The following PTPRN2 variants were observed in gnomAD, a reference collection of about 807,000 sequenced individuals.
PTPRN2 encodes the protein protein tyrosine phosphatase receptor type N2.
Under a neutral mutation model 118.8 loss-of-function variants are expected in PTPRN2, and 74 were observed. That is an observed-to-expected ratio of 0.62 (90% confidence interval 0.52 to 0.76). The LOEUF is 0.76. Among genes scored for constraint, PTPRN2 ranks in the 30% least tolerant of loss-of-function variants. The probability of loss-of-function intolerance (pLI) is 0.00; values close to 1 mark genes in which losing one functional copy is unlikely to be tolerated. For missense variants in PTPRN2, 1,481 were observed against 1,394.4 expected (o/e 1.06, Z -0.99); for synonymous variants, 641 against 608.0 (o/e 1.05, Z -0.80).
At chr7:157,815,055 C>G (rs1304948334) in intron 12 of PTPRN2, among the ~76,000 whole-genome samples, 1 of 152,230 alleles carries the variant, frequency 6.6e-6, no homozygotes, top group African/African-American at 2.4e-5. Context: ...CTGAACCCTC[C>G]TAGTCTTTAT....
intron 3 of PTPRN2, among the ~76,000 whole-genome samples, chr7:158,266,023 T>C (rs1026602626): frequency 6.6e-6 from 1 of 152,190 alleles, no homozygotes; most frequent in African/African-American, 2.4e-5. Flanking sequence ...GGGGACAGTG[T>C]CTGCTGCGGT....
intron 12 of PTPRN2, among the ~76,000 whole-genome samples, chr7:157,870,406 T>A (rs1243641379): frequency 6.6e-6 from 1 of 152,226 alleles, no homozygotes; most frequent in Non-Finnish European, 1.5e-5. Context: ...TTCTTTGGGG[T>A]GTTGTCCCTA....
intron 12 of PTPRN2, among the ~76,000 whole-genome samples, chr7:157,898,068 C>T (rs1431409682): frequency 6.6e-6 from 1 of 152,248 alleles, no homozygotes; most frequent in Non-Finnish European, 1.5e-5. Flanking sequence ...CTGGAGGAGG[C>T]TGGCCGAGCG....
intron 12 of PTPRN2, among the ~76,000 whole-genome samples, chr7:157,841,443 G>A (rs1047705743): frequency 6.6e-6 from 1 of 152,208 alleles, no homozygotes; most frequent in Admixed American, 6.5e-5. Flanking sequence ...AGTGAAACTT[G>A]AGTGAAGGAT....
At chr7:157,892,717 C>T (rs1392893120) in intron 12 of PTPRN2, among the ~76,000 whole-genome samples, 2 of 152,078 alleles carry the variant, frequency 1.3e-5, no homozygotes, top group African/African-American at 4.8e-5. Context: ...AAAAAAAAAT[C>T]ATTAGCTGTT....
chr7:158,449,131 C>T (rs1817925322), intron 2 of PTPRN2, among the ~76,000 whole-genome samples: 1 of 152,196 alleles, frequency 6.6e-6, no homozygotes, highest in African/African-American at 2.4e-5. Context: ...GTAATCCTGA[C>T]TTCTCTTCCC....
intron 14 of PTPRN2, among the ~76,000 whole-genome samples, chr7:157,655,807 G>A (rs1199499784): frequency 2.0e-5 from 3 of 152,090 alleles, no homozygotes; most frequent in Admixed American, 6.5e-5. Flanking sequence ...CCACACACGC[G>A]TGATCACTCC....
intron 11 of PTPRN2, among the ~76,000 whole-genome samples, chr7:158,002,743 G>A (rs560307449): frequency 1.3e-5 from 2 of 152,348 alleles, no homozygotes; most frequent in East Asian, 1.9e-4. Context: ...CAGCTGCAGC[G>A]AGAGAAATGG....
In PTPRN2 at chr7:158,166,483, G is replaced by A. The variant is rs866504598; in HGVS notation, c.910+448C>T. On this transcript the variant is annotated intron_variant, in intron 6 of 22. Coordinates refer to ENST00000389418, the MANE Select transcript of PTPRN2 (RefSeq NM_002847.5). ...CCTCCCACTGGCCACTGTGTTCACT[G>A]TCCTCACACCCTCAGGATCATCTCC... Among the ~76,000 whole-genome samples, 110 of 103,096 alleles carry A rather than the reference G, an allele frequency of 1.1e-3. 2 individuals carry two copies. Among genetic ancestry groups the A allele is most frequent in the African/African-American group, 3.5e-3 (103 of 29,080 alleles). 67.6% of individuals were successfully genotyped at this position (103,096 alleles called of 152,430 possible). A position where few individuals can be genotyped will look rare whatever the true frequency, so the allele number is the denominator to read the frequency against.
chr7:157,714,245 A>G (rs1241337762), intron 12 of PTPRN2, among the ~76,000 whole-genome samples: 2 of 152,236 alleles, frequency 1.3e-5, no homozygotes, highest in Non-Finnish European at 2.9e-5. Flanking sequence ...TGACAGACAC[A>G]GTGTATGGAT....
intron 1 of PTPRN2, among the ~76,000 whole-genome samples, chr7:158,564,963 A>C (rs557015646): frequency 6.6e-6 from 1 of 152,260 alleles, no homozygotes; most frequent in African/African-American, 2.4e-5. Flanking sequence ...TGAGAGTTGC[A>C]TTCTCCTGAG....
intron 3 of PTPRN2, among the ~76,000 whole-genome samples, chr7:158,270,800 A>T (rs146329995): frequency 4.4e-4 from 5 of 11,464 alleles, no homozygotes; most frequent in Middle Eastern, 0.036. Flanking sequence ...CACCTGGACC[A>T]CCCCCTCACC....
At chr7:158,131,051 CAG>C in intron 9 of PTPRN2, among the ~76,000 whole-genome samples, 1 of 137,344 alleles carries the variant, frequency 7.3e-6, no homozygotes. Context: ...CACGTACATA[CAG>C]ACACCTGCCC....
intron 6 of PTPRN2, among the ~76,000 whole-genome samples, chr7:158,153,891 G>T (rs2150544032): frequency 1.2e-5 from 1 of 86,590 alleles, no homozygotes; most frequent in Middle Eastern, 7.2e-3. Context: ...GGGCACCCTG[G>T]GTGTGCTCGC....
chr7:158,468,098 C>T (rs1005601715), intron 2 of PTPRN2, among the ~76,000 whole-genome samples: 6 of 152,204 alleles, frequency 3.9e-5, no homozygotes, highest in Admixed American at 2.6e-4. Flanking sequence ...CCTACATCTT[C>T]AGCTAATAGC....
At chr7:158,562,796 A>G (rs978209021) in intron 1 of PTPRN2, among the ~76,000 whole-genome samples, 3 of 152,178 alleles carry the variant, frequency 2.0e-5, no homozygotes, top group Non-Finnish European at 2.9e-5. Context: ...GTCAGGATCA[A>G]TGACGCTCCC....
At chr7:158,388,814 G>A (rs917171547) in intron 2 of PTPRN2, among the ~76,000 whole-genome samples, 1 of 152,122 alleles carries the variant, frequency 6.6e-6, no homozygotes, top group East Asian at 1.9e-4. Flanking sequence ...GACACTCATC[G>A]CCCCAGAGAC....
At chr7:157,793,451 A>G (rs1398725845) in intron 12 of PTPRN2, among the ~76,000 whole-genome samples, 1 of 151,980 alleles carries the variant, frequency 6.6e-6, no homozygotes, top group African/African-American at 2.4e-5. Context: ...TATAAGTAGA[A>G]TCACAGAAAT....
chr7:158,301,931 T>C (rs924689027), intron 3 of PTPRN2, among the ~76,000 whole-genome samples: 2 of 152,096 alleles, frequency 1.3e-5, no homozygotes, highest in Non-Finnish European at 2.9e-5. Context: ...GCCTGGGCAA[T>C]AGAGTAAGAG....
Sources: gnomAD v4.1 joint callset for allele counts (sites outside exome capture counted in the v4.1 genomes callset) on GRCh38, gnomAD v4.1.1 for gene constraint, MANE v1.5 for transcripts, NCBI Gene and HGNC (gene_info 2026-07-23, HGNC 2026-07-21) for gene names.